The following SYNPO2 variants were observed in gnomAD, a reference collection of about 807,000 sequenced individuals.
SYNPO2 encodes synaptopodin 2, also known as synaptopodin-2.
In SYNPO2, 56 loss-of-function variants were observed where a neutral mutation model predicts 85.0. That is an observed-to-expected ratio of 0.66 (90% CI 0.53 to 0.82). The LOEUF (loss-of-function observed/expected upper bound fraction) is 0.82, where lower values mean the gene tolerates loss of function less well. SYNPO2 is among the 40% of genes least tolerant of loss of function. SYNPO2 has a pLI of 0.00. For missense variants in SYNPO2, 1,575 were observed against 1,534.2 expected, an observed-to-expected ratio of 1.03 and a Z score of -0.44; for synonymous variants, 602 against 591.1, an observed-to-expected ratio of 1.02 and a Z score of -0.27.
intron 1 of SYNPO2, among the ~76,000 whole-genome samples, chr4:118,964,042 G>C (rs991125899): frequency 5.3e-5 from 8 of 152,158 alleles, no homozygotes; most frequent in African/African-American, 1.9e-4. Flanking sequence ...GCATGAGGGG[G>C]ACCACCCGTC....
chr4:118,965,097 G>A (rs1005561246), intron 1 of SYNPO2, among the ~76,000 whole-genome samples: 2 of 152,204 alleles, frequency 1.3e-5, no homozygotes, highest in Admixed American at 1.3e-4. Flanking sequence ...ATAAACTCAA[G>A]CTTGGGAAAC....
chr4:118,886,480 C>G (rs928572681), upstream of SYNPO2, among the ~76,000 whole-genome samples: 1 of 152,166 alleles, frequency 6.6e-6, no homozygotes, highest in African/African-American at 2.4e-5. Context: ...TCAACTCCCA[C>G]TTATGAGTGA....
At chr4:118,890,678 C>T (rs556653633) in intron 1 of SYNPO2, among the ~76,000 whole-genome samples, 20 of 120,734 alleles carry the variant, frequency 1.7e-4, no homozygotes, top group Middle Eastern at 4.5e-3. Context: ...AAATCTCTCA[C>T]CCTTCCTGTC....
intron 1 of SYNPO2, among the ~76,000 whole-genome samples, chr4:119,011,847 G>A (rs1737314063): frequency 1.3e-5 from 2 of 151,680 alleles, no homozygotes; most frequent in Non-Finnish European, 1.5e-5. Context: ...CTAAATGGGA[G>A]CTATTTCCAA....
intron 1 of SYNPO2, among the ~76,000 whole-genome samples, chr4:118,913,594 T>C (rs1342425832): frequency 6.6e-6 from 1 of 151,080 alleles, no homozygotes; most frequent in Admixed American, 6.6e-5. Flanking sequence ...TGTGTGTGTG[T>C]GTGCAGCAGA....
intron 4 of SYNPO2, among the ~76,000 whole-genome samples, chr4:119,046,352 C>T (rs1214728802): frequency 6.6e-6 from 1 of 152,068 alleles, no homozygotes; most frequent in East Asian, 1.9e-4. Context: ...ATATTTTGGC[C>T]CACTTAGACC....
Position 119,057,943 on chromosome 4 carries a change from A to G in SYNPO2, c.*9A>G. ...GGAGACGCCAAACATGAAAGTTAGA[A>G]GAACGGATCATGTGCCAACTGTAGT... is the stretch of plus-strand genomic sequence containing the variant. On this transcript the variant is annotated 3_prime_UTR_variant, in exon 5 of 5. Transcript: ENST00000307142. 6.2e-7 allele frequency: 1 copy of G among 1,603,678 alleles called. No individual in the cohort carries two copies. The highest frequency in any genetic ancestry group is 8.5e-7 in the Non-Finnish European group (1 of 1,175,660).
intron 1 of SYNPO2, among the ~76,000 whole-genome samples, chr4:118,873,931 A>C (rs1731850770): frequency 9.0e-6 from 1 of 111,236 alleles, no homozygotes; most frequent in Admixed American, 8.5e-5. Context: ...GCATTTATTA[A>C]AAAGAGTGTC....
chr4:119,030,794 G>A lies in SYNPO2; in HGVS notation c.2019G>A (p.Arg673=). The A allele has an allele frequency of 6.2e-7, 1 of 1,614,104 alleles. No homozygotes were observed. The highest frequency in any genetic ancestry group is 8.5e-7 in the Non-Finnish European group (1 of 1,180,036). Residue 673 remains arginine, a synonymous_variant, in exon 4 of 5, where the codon AGG becomes AGA. Coordinates refer to ENST00000307142, the MANE Select transcript of SYNPO2 (RefSeq NM_133477.3). Reference sequence around the variant, plus strand: ...AGCGAATAGCTTCCCGAGATGAGAGGATCTCAGTGCCAGCAAAAAGAACAG... The same window carrying A: ...AGCGAATAGCTTCCCGAGATGAGAGAATCTCAGTGCCAGCAAAAAGAACAG... ...SSERIASRDE[R]ISVPAKRTGI... is the part of the protein sequence containing the mutation.
intron 1 of SYNPO2, among the ~76,000 whole-genome samples, chr4:118,863,717 T>G (rs1477997999): frequency 6.6e-6 from 1 of 152,024 alleles, no homozygotes. Flanking sequence ...GTTCAAGCAA[T>G]TCTCCTGCCT....
At position 119,031,801 on chromosome 4, in the gene SYNPO2, G is replaced by A. The variant is rs151113205; in HGVS notation, c.3026G>A (p.Arg1009Gln). 3.7e-6 allele frequency: 6 copies of A among 1,614,140 alleles called. No individual in the cohort carries two copies. The highest frequency in any genetic ancestry group is 4.5e-5 in the East Asian group (2 of 44,886). ...ALAMKQALPP[R>Q]PVNAASPTNV... ...GCCATGAAGCAAGCTCTTCCTCCCC[G>A]GCCAGTGAATGCTGCCTCACCTACG... Residue 1009 changes from arginine to glutamine, a missense_variant, in exon 4 of 5, where the codon CGG (arginine) becomes CAG (glutamine). Physicochemically the swap from Arg to Gln is conservative, Grantham distance 43. Around this residue, in one of 3 missense-constraint regions of SYNPO2, gnomAD observed 1,508 missense variants for 1,446.8 expected, o/e 1.04. Coordinates refer to ENST00000307142, the MANE Select transcript of SYNPO2 (RefSeq NM_133477.3).
At chr4:118,890,697 T>TTCTCTCTCTCTCCCTCTCTCTCTC (rs1553935596) in intron 1 of SYNPO2, among the ~76,000 whole-genome samples, 7 of 81,754 alleles carry the variant, frequency 8.6e-5, no homozygotes, top group Non-Finnish European at 1.6e-4. Context: ...TCTCATCGGT[T>TTCTCTCTCTCTCCCTCTCTCTCTC]TCTCTCTCTC....
At chr4:118,970,444 A>C (rs576550056) in intron 1 of SYNPO2, among the ~76,000 whole-genome samples, 492 of 152,318 alleles carry the variant, frequency 3.2e-3, no homozygotes, top group Non-Finnish European at 5.3e-3. Context: ...GTACTCTTTA[A>C]TATTCACTAA....
intron 1 of SYNPO2, among the ~76,000 whole-genome samples, chr4:118,999,247 C>T (rs1204396466): frequency 6.6e-6 from 1 of 152,132 alleles, no homozygotes; most frequent in East Asian, 1.9e-4. Context: ...CTCCCAGGAT[C>T]AGGTGATCCT....
At chr4:119,007,213 AAGGTATATATATAT>A (rs1737063105) in intron 1 of SYNPO2, among the ~76,000 whole-genome samples, 1 of 73,112 alleles carries the variant, frequency 1.4e-5, no homozygotes, top group African/African-American at 5.2e-5. Context: ...AAAAAGAACA[AAGGTATATATATAT>A]ATATATATAT....
chr4:119,006,737 T>C (rs901787028), intron 1 of SYNPO2, among the ~76,000 whole-genome samples: 5 of 152,170 alleles, frequency 3.3e-5, no homozygotes, highest in African/African-American at 4.8e-5. Flanking sequence ...AATTTAATTT[T>C]TTATGGATAC....
intron 1 of SYNPO2, among the ~76,000 whole-genome samples, chr4:118,917,885 T>G (rs1478880329): frequency 6.6e-6 from 1 of 152,214 alleles, no homozygotes; most frequent in Admixed American, 6.5e-5. Flanking sequence ...ATAACATGAT[T>G]GCAAAATATT....
intron 1 of SYNPO2, among the ~76,000 whole-genome samples, chr4:119,003,594 G>A (rs1736902628): frequency 6.6e-6 from 1 of 152,078 alleles, no homozygotes; most frequent in East Asian, 1.9e-4. Context: ...TCCTGTTTCT[G>A]TTTCATGGTT....
At chr4:119,007,556 A>T (rs142346227) in intron 1 of SYNPO2, among the ~76,000 whole-genome samples, 2 of 151,930 alleles carry the variant, frequency 1.3e-5, no homozygotes, top group African/African-American at 4.8e-5. Flanking sequence ...AATCAAACCT[A>T]TATTTCATAA....
Sources: gnomAD v4.1 joint callset for allele counts (sites outside exome capture counted in the v4.1 genomes callset) on GRCh38, gnomAD v4.1.1 for gene constraint, gnomAD v4.1.1 regional missense constraint, MANE v1.5 for transcripts, NCBI Gene and HGNC (gene_info 2026-07-23, HGNC 2026-07-21) for gene names.